PPP2R5E: variants seen among roughly 807,000 people sequenced by gnomAD.
PPP2R5E encodes the protein protein phosphatase 2 regulatory subunit B'epsilon.
A neutral mutation model predicts 65.3 loss-of-function variants in PPP2R5E; 4 were observed. That is an observed-to-expected ratio of 0.06 (90% CI 0.03 to 0.14). The LOEUF (loss-of-function observed/expected upper bound fraction) is 0.14. Ranked by LOEUF, PPP2R5E falls within the 10% of genes least tolerant of loss-of-function variation. PPP2R5E has a pLI of 1.00. For missense variants in PPP2R5E, 274 were observed against 556.1 expected (o/e 0.49, Z 5.10); for synonymous variants, 183 against 187.4 (o/e 0.98, Z 0.19).
intron 13 of PPP2R5E, among the ~76,000 whole-genome samples, chr14:63,379,655 A>G (rs1884199581): frequency 6.6e-6 from 1 of 152,166 alleles, no homozygotes; most frequent in Non-Finnish European, 1.5e-5. Flanking sequence ...CCAGGAATAG[A>G]TAAAATAATA....
intron 2 of PPP2R5E, among the ~76,000 whole-genome samples, chr14:63,489,165 C>T (rs1414423802): frequency 1.3e-5 from 2 of 151,842 alleles, no homozygotes; most frequent in Non-Finnish European, 2.9e-5. Flanking sequence ...GATTTAATTA[C>T]TTTTTGCATT....
chr14:63,506,474 T>G (rs1892185978), intron 2 of PPP2R5E, among the ~76,000 whole-genome samples: 1 of 151,728 alleles, frequency 6.6e-6, no homozygotes, highest in African/African-American at 2.4e-5. Flanking sequence ...GTAATAATAA[T>G]AATAACAAAA....
At chr14:63,505,435 A>G (rs1220401763) in intron 2 of PPP2R5E, among the ~76,000 whole-genome samples, 4 of 152,178 alleles carry the variant, frequency 2.6e-5, no homozygotes, top group Non-Finnish European at 5.9e-5. Flanking sequence ...CATAAACACC[A>G]TGGTCATTAC....
At chr14:63,434,656 A>G (rs990987854) in intron 3 of PPP2R5E, among the ~76,000 whole-genome samples, 3 of 152,160 alleles carry the variant, frequency 2.0e-5, no homozygotes, top group Non-Finnish European at 4.4e-5. Context: ...ACATCTCACT[A>G]TCATCTCAAA....
At chr14:63,414,925 T>A (rs143575011) in intron 5 of PPP2R5E, among the ~76,000 whole-genome samples, 2 of 152,216 alleles carry the variant, frequency 1.3e-5, no homozygotes, top group African/African-American at 4.8e-5. Flanking sequence ...CATTCCTGGC[T>A]ATTTAAAATG....
intron 2 of PPP2R5E, among the ~76,000 whole-genome samples, chr14:63,529,535 T>A (rs1470370096): frequency 6.6e-6 from 1 of 151,696 alleles, no homozygotes; most frequent in South Asian, 2.1e-4. Context: ...TAGTTTTTTT[T>A]TGTTGTTTTT....
At chr14:63,539,826 TAAG>T in intron 1 of PPP2R5E, 134 bp from the exon 2 acceptor site, 1 of 999,936 alleles carries the variant, frequency 1.0e-6, no homozygotes, top group South Asian at 1.8e-5. Context: ...TAAAATCAGT[TAAG>T]AAAAGTCTTA....
At chr14:63,404,188 T>C (rs1465701308) in intron 5 of PPP2R5E, among the ~76,000 whole-genome samples, 1 of 152,190 alleles carries the variant, frequency 6.6e-6, no homozygotes, top group East Asian at 1.9e-4. Flanking sequence ...TCAAAACTAT[T>C]TTTAAAAGTC....
At position 63,373,371 on chromosome 14, in the gene PPP2R5E, CAGAG is replaced by C. The variant is rs1011475473; in HGVS notation, c.*2634_*2637del. ...GCAACAGCAGAATTGTGGGAAGGGA[CAGAG>C]AGAGAGGGCTGCTGCAAATGCAGCA... On this transcript the variant is annotated 3_prime_UTR_variant, in exon 14 of 14. Transcript: ENST00000337537. 6.6e-6 allele frequency: 1 copy of C among 152,156 alleles called. No individual in the cohort carries two copies. The highest frequency in any genetic ancestry group is 2.4e-5 in the African/African-American group (1 of 41,408). The allele number at this position is 152,156 out of a possible 1,614,324, so 9.4% of individuals were successfully genotyped here.
intron 5 of PPP2R5E, among the ~76,000 whole-genome samples, chr14:63,406,098 C>T (rs1886066061): frequency 6.6e-6 from 1 of 152,140 alleles, no homozygotes; most frequent in African/African-American, 2.4e-5. Flanking sequence ...CAAAAACATT[C>T]AAAACCCTTG....
intron 2 of PPP2R5E, among the ~76,000 whole-genome samples, chr14:63,509,504 C>A (rs1212081107): frequency 6.6e-6 from 1 of 151,936 alleles, no homozygotes; most frequent in East Asian, 1.9e-4. Context: ...GAACTCCTGA[C>A]CTCAAGTGAT....
At chr14:63,510,538 T>C (rs1271024) in intron 2 of PPP2R5E, among the ~76,000 whole-genome samples, 2,660 of 152,262 alleles carry the variant, frequency 0.017, 76 homozygotes, top group African/African-American at 0.061. Flanking sequence ...ATTGACAGCC[T>C]CTCTGAGAAG....
rs557986851 is a variant in PPP2R5E, at chr14:63,463,665, C to G, written c.158-9780G>C. On this transcript the variant is annotated intron_variant, in intron 2 of 13. Coordinates refer to ENST00000337537, the MANE Select transcript of PPP2R5E (RefSeq NM_006246.5). The stretch of plus-strand genomic sequence containing the variant: ...AGGCTGCAGTGCAGTGGCACGATCT[C>G]GGCTCACTGCAAGCTCCGCCTCCCG... Among the ~76,000 whole-genome samples, 25 of 151,156 alleles carry G rather than the reference C, an allele frequency of 1.7e-4. No individual in the cohort carries two copies. The South Asian group carries it at 2.1e-3, about 13-fold the overall frequency.
intron 2 of PPP2R5E, among the ~76,000 whole-genome samples, chr14:63,474,318 G>C (rs1393396992): frequency 2.0e-5 from 3 of 152,184 alleles, no homozygotes. Flanking sequence ...TCAGTGGGTG[G>C]GAGCCGGGTT....
chr14:63,426,853 G>A (rs572191441), intron 3 of PPP2R5E, among the ~76,000 whole-genome samples: 1 of 152,138 alleles, frequency 6.6e-6, no homozygotes, highest in East Asian at 1.9e-4. Flanking sequence ...TCCATGGATG[G>A]GCTTCCATTG....
intron 3 of PPP2R5E, among the ~76,000 whole-genome samples, chr14:63,448,373 T>C (rs576755040): frequency 6.6e-6 from 1 of 152,290 alleles, no homozygotes; most frequent in Non-Finnish European, 1.5e-5. Flanking sequence ...ATAACAGATA[T>C]AGTAACAATG....
chr14:63,513,084 T>C (rs1010977806), intron 2 of PPP2R5E, among the ~76,000 whole-genome samples: 1 of 151,904 alleles, frequency 6.6e-6, no homozygotes, highest in Non-Finnish European at 1.5e-5. Context: ...TTTTTGGAAC[T>C]GAAATAGAAA....
chr14:63,504,394 A>C (rs1343194843), intron 2 of PPP2R5E, among the ~76,000 whole-genome samples: 1 of 151,968 alleles, frequency 6.6e-6, no homozygotes, highest in Non-Finnish European at 1.5e-5. Context: ...CCAGCCTGGC[A>C]AACATGGCAA....
intron 2 of PPP2R5E, among the ~76,000 whole-genome samples, chr14:63,510,343 G>C (rs1324812593): frequency 6.6e-6 from 1 of 152,226 alleles, no homozygotes; most frequent in Non-Finnish European, 1.5e-5. Context: ...CCCTGCACCA[G>C]GCACTGTTCT....
Sources: allele counts gnomAD v4.1 joint callset (sites outside exome capture counted in the v4.1 genomes callset), GRCh38; gene constraint gnomAD v4.1.1; transcripts MANE v1.5; gene names NCBI Gene and HGNC (gene_info 2026-07-23, HGNC 2026-07-21).